The following PRPF8 variants were observed in gnomAD, a reference collection of about 807,000 sequenced individuals.
PRPF8 encodes the protein pre-mRNA processing factor 8, also known as pre-mRNA-processing-splicing factor 8.
Under a neutral mutation model 285.9 loss-of-function variants are expected in PRPF8, and 64 were observed. The observed-to-expected ratio is 0.22, with a 90% CI of 0.18 to 0.28. The LOEUF (loss-of-function observed/expected upper bound fraction) is 0.28. Ranked by LOEUF, PRPF8 falls within the 10% of genes least tolerant of loss-of-function variation. PRPF8 has a pLI of 1.00. For synonymous variants in PRPF8, 1,325 were observed against 1,118.2 expected, an observed-to-expected ratio of 1.18 and a Z score of -3.69; for missense variants, 1,426 against 3,026.7, an observed-to-expected ratio of 0.47 and a Z score of 12.41.
chr17:1,672,805 C>T lies in PRPF8; in HGVS notation c.3774+276G>A, dbSNP rs1452586418. ...GAGAAAATGCAAAAATAATGCTTTT[C>T]TGTTCAAAATAATAAATCCAACTTT... On this transcript the variant is annotated intron_variant, in intron 24 of 42. Transcript: ENST00000304992. 5.4e-6 allele frequency: 3 copies of T among 552,124 alleles called. No individual in the cohort carries two copies. The African/African-American group carries it at 5.7e-5, about 10-fold the overall frequency. 34.2% of individuals were successfully genotyped at this position (552,124 alleles called of 1,614,324 possible).
chr17:1,676,266 G>A lies in PRPF8; in HGVS notation c.2493C>T (p.Ser831=), dbSNP rs146749363. 1 of 1,613,940 alleles carries A rather than the reference G, an allele frequency of 6.2e-7. No homozygotes were observed. Among genetic ancestry groups the A allele is most frequent in the African/African-American group, 1.3e-5 (1 of 74,894 alleles). ...TGAGCAACTTGGTGTCATGCTTATA[G>A]GAGAGTGGGGGGAATGGGATGGGTG... The part of the protein sequence containing the change: ...RFSPIPFPPL[S]YKHDTKLLIL... Residue 831 remains serine, a synonymous_variant, in exon 17 of 43, where the codon TCC becomes TCT. Coordinates refer to ENST00000304992, the MANE Select transcript of PRPF8 (RefSeq NM_006445.4). The surrounding 1 kb of genome is among the most constrained non-coding windows in gnomAD (Gnocchi z 6.3).
chr17:1,677,620 G>A lies in PRPF8; in HGVS notation c.1929C>T (p.Gly643=), dbSNP rs140040625. 3.5e-4 allele frequency: 568 copies of A among 1,613,942 alleles called. 3 individuals carry two copies. The African/African-American group carries it at 6.8e-3, about 19-fold the overall frequency. The change falls in exon 14 of 43, where the codon GGC becomes GGT. Residue 643 remains glycine, a synonymous_variant. Transcript: ENST00000304992. ...GCCATCGCTCTAATAAAGGGGTAAT[G>A]CCACGCATGAAAAAGAGCCAGACTC... The part of the protein sequence containing the change: ...GWRVWLFFMR[G]ITPLLERWLG...
rs758730902 is a variant in PRPF8, at chr17:1,681,039, A to G, written c.882T>C (p.Asn294=). 3 of 1,613,298 alleles carry G rather than the reference A, an allele frequency of 1.9e-6. No individual in the cohort carries two copies. The highest frequency in any genetic ancestry group is 1.3e-5 in the African/African-American group (1 of 74,882). ...TAATCTTGTTAATATCATTGAATTC[A>G]TTCCAGTCTTCATCCCTAGGGTACA... The part of the protein sequence containing the change: ...RDINLQDEDW[N]EFNDINKIII... Residue 294 remains asparagine, a synonymous_variant, in exon 7 of 43, where the codon AAT becomes AAC. Transcript: ENST00000304992.
At chr17:1,650,990 G>A (rs752719936) in intron 42 of PRPF8, 34 bp from the exon 43 acceptor site, 2 of 1,614,162 alleles carry the variant, frequency 1.2e-6, no homozygotes, top group East Asian at 4.5e-5. Flanking sequence ...ATGTTAACAG[G>A]GCTCCTGCCT....
At chr17:1,666,588 TA>T (rs1912000697) in intron 24 of PRPF8, among the ~76,000 whole-genome samples, 1 of 149,506 alleles carries the variant, frequency 6.7e-6, no homozygotes, top group African/African-American at 2.5e-5. Flanking sequence ...AGAAAAACGA[TA>T]AAAATTAATG....
Position 1,681,690 on chromosome 17 carries a change from C to A in PRPF8, c.654G>T (p.Lys218Asn), listed in dbSNP as rs768419857. Reference protein sequence around the residue: ...YDHQPLRDSRKYVNGSTYQRW... With the variant: ...YDHQPLRDSRNYVNGSTYQRW... ...GCTGGTAAGTGGAGCCATTTACATA[C>A]CTAGGTAAAAAATGAAAGGCCCACC... Residue 218 changes from lysine (K) to asparagine (N), a missense_variant and splice_region_variant, in exon 6 of 43, where the codon AAG becomes AAT. By Grantham distance (94) the Lys-to-Asn change is moderately conservative. This residue lies in a region of PRPF8 where 157 missense variants were observed against 159.6 expected (regional missense o/e 0.98). Coordinates refer to ENST00000304992, the MANE Select transcript of PRPF8 (RefSeq NM_006445.4). The A allele has an allele frequency of 1.2e-6, 2 of 1,614,052 alleles. No individual in the cohort carries two copies. The highest frequency in any genetic ancestry group is 1.3e-5 in the African/African-American group (1 of 75,024).
chr17:1,681,876 C>T lies in PRPF8; in HGVS notation c.597G>A (p.Glu199=). 1 of 1,614,040 alleles carries T rather than the reference C, an allele frequency of 6.2e-7. No individual in the cohort carries two copies. The highest frequency in any genetic ancestry group is 8.5e-7 in the Non-Finnish European group (1 of 1,180,004). The part of the protein sequence containing the change: ...EAIQLELDPE[E]DAPVLDWFYD... ...AGAACCAGTCCAACACAGGGGCGTC[C>T]TCCTCAGGGTCCAGCTCTAGCTGAA... is the stretch of plus-strand genomic sequence containing the variant. The change falls in exon 5 of 43, where the codon GAG becomes GAA. Residue 199 remains glutamate, a synonymous_variant. Coordinates refer to ENST00000304992, the MANE Select transcript of PRPF8 (RefSeq NM_006445.4).
At position 1,673,562 on chromosome 17, in the gene PRPF8, C is replaced by T. The variant is rs774159266; in HGVS notation, c.3452G>A (p.Arg1151Gln). ...RLMKHDVNLG[R>Q]AVFWDIKNRL... ...GTTCTTGATGTCCCAGAATACCGCC[C>T]GGCCTCTGCCCACAGAGAACACATG... is the stretch of plus-strand genomic sequence containing the variant. The change falls in exon 23 of 43, where the codon CGG becomes CAG. Residue 1151 changes from arginine (R) to glutamine (Q), a missense_variant. Arg to Gln is a conservative substitution (Grantham distance 43). Around this residue, in one of 34 missense-constraint regions of PRPF8, gnomAD observed 148 missense variants for 196.2 expected, o/e 0.75. Coordinates refer to ENST00000304992, the MANE Select transcript of PRPF8 (RefSeq NM_006445.4). This position sits in a 1 kb window ranked among gnomAD's most constrained non-coding sequence, Gnocchi z 5.5. The T allele has an allele frequency of 1.2e-6, 2 of 1,614,030 alleles. No homozygotes were observed. Among genetic ancestry groups the T allele is most frequent in the East Asian group, 2.2e-5 (1 of 44,880 alleles).
rs765014520 is a variant in PRPF8, at chr17:1,684,844, T to G, written c.-76A>C. On this transcript the variant is annotated 5_prime_UTR_variant, in exon 1 of 43. Transcript: ENST00000304992. The stretch of plus-strand genomic sequence containing the variant: ...GCAATGGCGGCCAGACTGCGTCCGC[T>G]CCGCGTTCCCAGCGCCGGGAAGTGC... The G allele has an allele frequency of 2.9e-5, 17 of 595,438 alleles. No homozygotes were observed. The Admixed American group carries it at 3.9e-4, about 14-fold the overall frequency. 36.9% of individuals were successfully genotyped at this position (595,438 alleles called of 1,614,324 possible).
At position 1,684,502 on chromosome 17, in the gene PRPF8, A is replaced by C; in HGVS notation, c.70T>G (p.Tyr24Asp). The change falls in exon 2 of 43, where the codon TAC (tyrosine) becomes GAC (aspartate). Residue 24 changes from tyrosine (Y) to aspartate (D), a missense_variant. Tyr to Asp is a radical substitution (Grantham distance 160). This residue lies in a region of PRPF8 where 72 missense variants were observed against 80.0 expected (regional missense o/e 0.90). Coordinates refer to ENST00000304992, the MANE Select transcript of PRPF8 (RefSeq NM_006445.4). ...TCCTGCAGCTTCTCCTCCGACATGT[A>C]GTCCGGTAGCGGGGCTAGAGGGCCA... Reference protein sequence around the residue: ...VPGPLAPLPDYMSEEKLQEKA... With the variant: ...VPGPLAPLPDDMSEEKLQEKA... 6.2e-7 allele frequency: 1 copy of C among 1,612,568 alleles called. No individual in the cohort carries two copies. The highest frequency in any genetic ancestry group is 8.5e-7 in the Non-Finnish European group (1 of 1,179,760).
Position 1,656,284 on chromosome 17 carries a change from C to A in PRPF8, c.5793+108G>T, listed in dbSNP as rs577368182. On this transcript the variant is annotated intron_variant, in intron 36 of 42. Transcript: ENST00000304992. ...TCATGAAAGTCAACAGAGTTCCCACCCAATCTATAGGCTAAAAATGTGAAA... is the reference window on the plus strand; with the variant it reads ...TCATGAAAGTCAACAGAGTTCCCACACAATCTATAGGCTAAAAATGTGAAA... The A allele has an allele frequency of 2.9e-6, 4 of 1,380,422 alleles. 1 individual carries two copies. In the South Asian group the frequency reaches 4.7e-5, roughly 16 times the overall value. 85.5% of individuals were successfully genotyped at this position (1,380,422 alleles called of 1,614,324 possible).
At chr17:1,663,694 G>A (rs1030159250) in intron 24 of PRPF8, among the ~76,000 whole-genome samples, 1 of 109,792 alleles carries the variant, frequency 9.1e-6, no homozygotes, top group African/African-American at 3.7e-5. Context: ...GGGCAACCAA[G>A]GAAGAGACTC....
In PRPF8 at chr17:1,675,475, C is replaced by T. The variant is rs1912561767; in HGVS notation, c.2873-136G>A. On this transcript the variant is annotated intron_variant, in intron 19 of 42. Transcript: ENST00000304992. The surrounding 1 kb of genome is among the most constrained non-coding windows in gnomAD (Gnocchi z 6.0). ...TCATTTGGATTGCTTTGACTATGGG[C>T]TTTTCCTCAGTTTAACACGAACACT... 1.4e-6 allele frequency: 2 copies of T among 1,450,950 alleles called. No individual in the cohort carries two copies. The highest frequency in any genetic ancestry group is 1.4e-5 in the African/African-American group (1 of 71,370). 89.9% of individuals were successfully genotyped at this position (1,450,950 alleles called of 1,614,324 possible).
intron 13 of PRPF8, among the ~76,000 whole-genome samples, chr17:1,678,175 C>A (rs1378878341): frequency 6.6e-6 from 1 of 152,108 alleles, no homozygotes; most frequent in African/African-American, 2.4e-5. Flanking sequence ...ACTAGCCAGG[C>A]ATGGTGGTGC....
At position 1,660,416 on chromosome 17, in the gene PRPF8, C is replaced by A; in HGVS notation, c.4785+16G>T. The A allele has an allele frequency of 6.2e-7, 1 of 1,613,768 alleles. No individual in the cohort carries two copies. The highest frequency in any genetic ancestry group is 8.5e-7 in the Non-Finnish European group (1 of 1,180,044). ...CTGACTCTCTACAGTACCCTCTCCC[C>A]TCGATTCCAGCCCACCTGACATAAG... On this transcript the variant is annotated intron_variant, in intron 30 of 42. Coordinates refer to ENST00000304992, the MANE Select transcript of PRPF8 (RefSeq NM_006445.4).
chr17:1,671,226 C>T (rs760484341), intron 24 of PRPF8, among the ~76,000 whole-genome samples: 2 of 152,180 alleles, frequency 1.3e-5, no homozygotes, highest in Non-Finnish European at 2.9e-5. Context: ...CTTCCACTTC[C>T]AGACTGGGCT....
Position 1,676,177 on chromosome 17 carries a change from C to T in PRPF8, c.2552+30G>A. ...ACGCCATTCCCTGCTGTCACCTTCC[C>T]AGCAGGAACCTATCTACCCTACTAC... On this transcript the variant is annotated intron_variant, in intron 17 of 42. Transcript: ENST00000304992. The surrounding 1 kb of genome is among the most constrained non-coding windows in gnomAD (Gnocchi z 6.3). 3 of 1,612,888 alleles carry T rather than the reference C, an allele frequency of 1.9e-6. No homozygotes were observed. The highest frequency in any genetic ancestry group is 1.7e-6 in the Non-Finnish European group (2 of 1,180,010).
At chr17:1,680,351 C>A (rs1231478965) in intron 8 of PRPF8, 1 of 352,464 alleles carries the variant, frequency 2.8e-6, no homozygotes, top group African/African-American at 2.1e-5. Flanking sequence ...CATGTCGTGA[C>A]AGTTGGGACA....
chr17:1,651,385 A>G lies in PRPF8; in HGVS notation c.6650+29T>C, dbSNP rs1318335730. 5 of 1,613,916 alleles carry G rather than the reference A, an allele frequency of 3.1e-6. No homozygotes were observed. The highest frequency in any genetic ancestry group is 1.3e-5 in the African/African-American group (1 of 74,862). ...CCTGGCCTGCAATCCCTGCCCCACC[A>G]TACTTCCTCCCAAGGAGCCCAGGCC... On this transcript the variant is annotated intron_variant, in intron 41 of 42. Coordinates refer to ENST00000304992, the MANE Select transcript of PRPF8 (RefSeq NM_006445.4). The surrounding 1 kb of genome is among the most constrained non-coding windows in gnomAD (Gnocchi z 5.1).
Sources: allele counts gnomAD v4.1 joint callset (sites outside exome capture counted in the v4.1 genomes callset), GRCh38; gene constraint gnomAD v4.1.1; regional missense constraint gnomAD v4.1.1; non-coding constraint Gnocchi (gnomAD v3.1); transcripts MANE v1.5; gene names NCBI Gene and HGNC (gene_info 2026-07-23, HGNC 2026-07-21).